Variants in CD72 observed in about 807,000 individuals in gnomAD.
CD72 encodes B-cell differentiation antigen CD72.
Under a neutral mutation model 50.7 loss-of-function variants are expected in CD72, and 28 were observed. The ratio of observed to expected loss-of-function variants is 0.55; its 90% confidence interval spans 0.41 to 0.76. The LOEUF (loss-of-function observed/expected upper bound fraction) is 0.76. Among genes scored for constraint, CD72 ranks in the 30% least tolerant of loss-of-function variants. The pLI, the probability that CD72 is intolerant of heterozygous loss-of-function variation, is 0.00. For synonymous variants in CD72, 176 were observed against 171.2 expected, an observed-to-expected ratio of 1.03 and a Z score of -0.22; for missense variants, 403 against 420.6, an observed-to-expected ratio of 0.96 and a Z score of 0.37.
At chr9:35,622,573 G>C (rs1384489014), upstream of CD72, among the ~76,000 whole-genome samples, 1 of 152,002 alleles carries the variant, frequency 6.6e-6, no homozygotes, top group African/African-American at 2.4e-5. Flanking sequence ...CAGATCACAA[G>C]GTCAGAATTT....
intron 5 of CD72, among the ~76,000 whole-genome samples, chr9:35,613,397 ATGT>A (rs1823016329): frequency 6.6e-6 from 1 of 152,024 alleles, no homozygotes; most frequent in East Asian, 1.9e-4. Context: ...CAAGCAGAAA[ATGT>A]TGTGTACTGT....
chr9:35,640,300 G>A (rs1362100748), intron 1 of CD72, among the ~76,000 whole-genome samples: 2 of 152,228 alleles, frequency 1.3e-5, no homozygotes, highest in Non-Finnish European at 2.9e-5. Context: ...CCATGACCCT[G>A]TTAGTGTTAC....
At chr9:35,611,133 C>A (rs1822976542) in intron 7 of CD72, among the ~76,000 whole-genome samples, 1 of 152,116 alleles carries the variant, frequency 6.6e-6, no homozygotes. Context: ...CGCCTGTAGT[C>A]CCAGCTGCTG....
At chr9:35,610,342 C>T (rs571707989) in intron 8 of CD72, 42 bp from the exon 9 acceptor site, 2 of 359,114 alleles carry the variant, frequency 5.6e-6, no homozygotes, top group East Asian at 9.9e-5. Flanking sequence ...GTTGACTTAA[C>T]TGAACCCTCA....
At chr9:35,619,223 G>A (rs1823118486), upstream of CD72, among the ~76,000 whole-genome samples, 1 of 152,158 alleles carries the variant, frequency 6.6e-6, no homozygotes, top group Non-Finnish European at 1.5e-5. Context: ...CAGGGACCGC[G>A]AGGCCCTCAT....
At chr9:35,622,791 A>G (rs1208574370), upstream of CD72, among the ~76,000 whole-genome samples, 1 of 151,048 alleles carries the variant, frequency 6.6e-6, no homozygotes, top group Non-Finnish European at 1.5e-5. Flanking sequence ...TGTCTCAAAA[A>G]AAATAATAAT....
chr9:35,641,861 C>A (rs1823343402), intron 1 of CD72, among the ~76,000 whole-genome samples: 1 of 152,158 alleles, frequency 6.6e-6, no homozygotes, highest in Non-Finnish European at 1.5e-5. Flanking sequence ...CTAATGGCTT[C>A]CAGATGTTTG....
At chr9:35,638,927 T>A (rs1375116357) in intron 1 of CD72, among the ~76,000 whole-genome samples, 1 of 152,036 alleles carries the variant, frequency 6.6e-6, no homozygotes, top group Middle Eastern at 3.2e-3. Context: ...CTACCCAAGG[T>A]AAAGGCGAAA....
At chr9:35,644,237 T>G (rs577733177) in intron 1 of CD72, among the ~76,000 whole-genome samples, 2 of 150,058 alleles carry the variant, frequency 1.3e-5, no homozygotes, top group East Asian at 4.0e-4. Context: ...TCCCAACTAC[T>G]CTGGAGGCTG....
chr9:35,610,331 G>C, intron 8 of CD72, 31 bp from the exon 9 acceptor site: 1 of 331,632 alleles, frequency 3.0e-6, no homozygotes. Context: ...TGAGCTCCAT[G>C]GTTGACTTAA....
At chr9:35,640,253 C>G (rs10972538) in intron 1 of CD72, among the ~76,000 whole-genome samples, 15,008 of 152,288 alleles carry the variant, frequency 0.099, 1,114 homozygotes, top group East Asian at 0.39. Flanking sequence ...CCAGGTCACC[C>G]ACACTTCTGA....
upstream of CD72, chr9:35,618,570 T>C: frequency 1.3e-6 from 1 of 764,466 alleles, no homozygotes; most frequent in Non-Finnish European, 2.1e-6. Context: ...GGGTAGGGGA[T>C]GGGCCTGTCC....
intron 1 of CD72, among the ~76,000 whole-genome samples, chr9:35,636,396 C>A (rs1016591119): frequency 3.3e-5 from 5 of 151,972 alleles, no homozygotes; most frequent in Admixed American, 6.5e-5. Context: ...AAATATGAAG[C>A]TGTTATAAGG....
intron 4 of CD72, 27 bp downstream of exon 4, chr9:35,616,573 G>A: frequency 6.4e-7 from 1 of 1,574,548 alleles, no homozygotes. Flanking sequence ...TTCGGTGTAA[G>A]TGGGAAGTAG....
intron 3 of CD72, 121 bp downstream of exon 3, chr9:35,617,055 C>T: frequency 6.8e-7 from 1 of 1,479,614 alleles, no homozygotes; most frequent in Non-Finnish European, 8.9e-7. Context: ...GCCCGGGCGT[C>T]GGAAGGACTG....
At chr9:35,643,287 C>T (rs12376134) in intron 1 of CD72, 61,881 of 152,430 alleles carry the variant, frequency 0.41, 13,319 homozygotes, top group Non-Finnish European at 0.47. Context: ...TTGGCTGACT[C>T]CTTCCCACAT....
At chr9:35,620,125 T>C (rs779817764), upstream of CD72, among the ~76,000 whole-genome samples, 1 of 151,968 alleles carries the variant, frequency 6.6e-6, no homozygotes, top group Non-Finnish European at 1.5e-5. Context: ...GTGGGCAGTG[T>C]GTGAGTAAAT....
intron 2 of CD72, 91 bp downstream of exon 2, chr9:35,617,923 C>T: frequency 1.2e-6 from 1 of 822,572 alleles, no homozygotes; most frequent in East Asian, 2.4e-5. Flanking sequence ...AGAACAAGAC[C>T]CTGTCTCAAG....
At chr9:35,620,446 G>C (rs1228704209), upstream of CD72, among the ~76,000 whole-genome samples, 2 of 150,230 alleles carry the variant, frequency 1.3e-5, no homozygotes, top group East Asian at 3.9e-4. Context: ...CTCCAGCCTA[G>C]GCAACAAGAG....
Sources: allele counts gnomAD v4.1 joint callset (sites outside exome capture counted in the v4.1 genomes callset), GRCh38; gene constraint gnomAD v4.1.1; transcripts MANE v1.5; gene names NCBI Gene and HGNC (gene_info 2026-07-23, HGNC 2026-07-21).